Variants in PARD3B observed in about 807,000 individuals in gnomAD.
PARD3B encodes par-3 family cell polarity regulator beta.
PARD3B carries 103 observed loss-of-function variants against 130.2 expected under a neutral mutation model. The ratio of observed to expected loss-of-function variants is 0.79; its 90% CI spans 0.67 to 0.93. PARD3B has a LOEUF of 0.93. Ranked by LOEUF, PARD3B falls within the 40% of genes least tolerant of loss-of-function variation. PARD3B has a pLI of 0.00. For synonymous variants in PARD3B, 583 were observed against 553.2 expected (o/e 1.05, Z -0.76); for missense variants, 1,609 against 1,499.2 (o/e 1.07, Z -1.21).
intron 21 of PARD3B, among the ~76,000 whole-genome samples, chr2:205,539,432 C>T (rs989204195): frequency 1.3e-5 from 2 of 152,104 alleles, no homozygotes; most frequent in African/African-American, 4.8e-5. Flanking sequence ...GTTTGAAAAT[C>T]GGTTTAACCT....
intron 19 of PARD3B, among the ~76,000 whole-genome samples, chr2:205,432,666 AAATT>A (rs1371683496): frequency 5.9e-5 from 9 of 152,128 alleles, no homozygotes; most frequent in Non-Finnish European, 8.8e-5. Context: ...CCTTTAAATA[AAATT>A]AATTTATTTA....
chr2:204,717,017 G>A (rs963066397), intron 2 of PARD3B, among the ~76,000 whole-genome samples: 1 of 152,086 alleles, frequency 6.6e-6, no homozygotes, highest in Non-Finnish European at 1.5e-5. Flanking sequence ...AGTTTGGAGT[G>A]GGGTACTTGG....
chr2:205,541,350 T>G (rs1297285609), intron 21 of PARD3B, among the ~76,000 whole-genome samples: 2 of 45,464 alleles, frequency 4.4e-5, no homozygotes, highest in Non-Finnish European at 1.7e-4. Flanking sequence ...AAACTTTGTT[T>G]TTTTTTTTTT....
intron 10 of PARD3B, among the ~76,000 whole-genome samples, chr2:205,138,428 A>T (rs1055093726): frequency 1.3e-5 from 2 of 152,154 alleles, no homozygotes; most frequent in African/African-American, 4.8e-5. Context: ...CCCACCTCAC[A>T]TAGAGAATTA....
intron 2 of PARD3B, among the ~76,000 whole-genome samples, chr2:204,797,450 A>G (rs1022039198): frequency 2.6e-5 from 4 of 152,164 alleles, no homozygotes; most frequent in Non-Finnish European, 5.9e-5. Context: ...TATCATGAGG[A>G]GCTAAACATG....
rs1454619704 is a variant in PARD3B, at chr2:204,799,611, TG to T, written c.222+113331del. Among the ~76,000 whole-genome samples the T allele has an allele frequency of 1.3e-5, 2 of 152,120 alleles. No individual in the cohort carries two copies. Among genetic ancestry groups the T allele is most frequent in the East Asian group, 1.9e-4 (1 of 5,160 alleles). ...GTGTGACACAATGCAGACTCAGTGG[TG>T]GTGGCCACAGGTGTGCTCATGTTAT... On this transcript the variant is annotated intron_variant, in intron 2 of 22. Transcript: ENST00000406610. This position sits in a 1 kb window ranked among gnomAD's most constrained non-coding sequence, Gnocchi z 4.1.
rs537354465 is a variant in PARD3B, at chr2:204,938,380, G to T, written c.223-26772G>T. 2.6e-5 allele frequency among the ~76,000 whole-genome samples: 4 copies of T among 152,274 alleles called. No homozygotes were observed. The South Asian group carries it at 8.3e-4, about 32-fold the overall frequency. Reference sequence around the variant, plus strand: ...TGTAAGCCCTAAAGCCTCAGCACATGCTGTTCCCTCTGCGTGGAATTCCAC... The same window carrying T: ...TGTAAGCCCTAAAGCCTCAGCACATTCTGTTCCCTCTGCGTGGAATTCCAC... On this transcript the variant is annotated intron_variant, in intron 2 of 22. Coordinates refer to ENST00000406610, the MANE Select transcript of PARD3B (RefSeq NM_001302769.2).
rs147721203 is a variant in PARD3B, at chr2:205,287,587, A to C, written c.2186-12943A>C. Among the ~76,000 whole-genome samples, 1 of 152,284 alleles carries C rather than the reference A, an allele frequency of 6.6e-6. No individual in the cohort carries two copies. Among genetic ancestry groups the C allele is most frequent in the African/African-American group, 2.4e-5 (1 of 41,566 alleles). The stretch of plus-strand genomic sequence containing the variant: ...GGGGGAAGAAATGCACTGATTAGTC[A>C]TGTCTGGGTCGTAGGCACACTGAAT... On this transcript the variant is annotated intron_variant, in intron 16 of 22. Coordinates refer to ENST00000406610, the MANE Select transcript of PARD3B (RefSeq NM_001302769.2). This position sits in a 1 kb window ranked among gnomAD's most constrained non-coding sequence, Gnocchi z 4.8.
At chr2:205,101,785 T>C (rs1702806455) in intron 4 of PARD3B, among the ~76,000 whole-genome samples, 1 of 152,198 alleles carries the variant, frequency 6.6e-6, no homozygotes, top group African/African-American at 2.4e-5. Flanking sequence ...ACAAGTCTTA[T>C]GATTCTGTTT....
intron 2 of PARD3B, among the ~76,000 whole-genome samples, chr2:204,722,714 T>C (rs1574815241): frequency 6.6e-6 from 1 of 152,182 alleles, no homozygotes; most frequent in East Asian, 1.9e-4. Context: ...ACCAAGACTT[T>C]CGTGAGTACT....
intron 20 of PARD3B, among the ~76,000 whole-genome samples, chr2:205,498,616 C>A (rs1268869753): frequency 6.6e-6 from 1 of 152,134 alleles, no homozygotes; most frequent in Non-Finnish European, 1.5e-5. Context: ...TAAGGCAGGA[C>A]AAAAGAAGTT....
intron 22 of PARD3B, among the ~76,000 whole-genome samples, chr2:205,580,502 G>A (rs982308624): frequency 2.0e-5 from 3 of 152,144 alleles, no homozygotes; most frequent in African/African-American, 7.2e-5. Context: ...CATGACCGGA[G>A]GGTGGGCTGA....
intron 3 of PARD3B, among the ~76,000 whole-genome samples, chr2:205,030,309 G>A (rs1697327103): frequency 1.3e-5 from 2 of 152,102 alleles, no homozygotes; most frequent in South Asian, 2.1e-4. Flanking sequence ...ATGACCAAGC[G>A]ACAACCAATT....
chr2:205,310,990 G>A (rs2042368600), intron 18 of PARD3B, among the ~76,000 whole-genome samples: 1 of 152,064 alleles, frequency 6.6e-6, no homozygotes, highest in Admixed American at 6.5e-5. Flanking sequence ...CCAAAGTGCT[G>A]GGATTACAAG....
intron 2 of PARD3B, among the ~76,000 whole-genome samples, chr2:204,807,873 A>G (rs954172825): frequency 6.6e-6 from 1 of 152,012 alleles, no homozygotes; most frequent in African/African-American, 2.4e-5. Flanking sequence ...TGGGGATAGA[A>G]TGAGTAAGAT....
At chr2:204,845,375 A>G (rs2044418927) in intron 2 of PARD3B, among the ~76,000 whole-genome samples, 1 of 152,144 alleles carries the variant, frequency 6.6e-6, no homozygotes, top group Non-Finnish European at 1.5e-5. Context: ...ATAATTTGTT[A>G]TTTTTAATAA....
intron 2 of PARD3B, among the ~76,000 whole-genome samples, chr2:204,855,224 A>G (rs1484074093): frequency 1.3e-5 from 2 of 152,116 alleles, no homozygotes; most frequent in Non-Finnish European, 2.9e-5. Context: ...TAAAAAATGT[A>G]TTTTACATGA....
intron 1 of PARD3B, among the ~76,000 whole-genome samples, chr2:204,596,876 C>T (rs1433067907): frequency 6.6e-6 from 1 of 151,924 alleles, no homozygotes; most frequent in Non-Finnish European, 1.5e-5. Flanking sequence ...TGAGATGGCA[C>T]CATTGCACTC....
At chr2:205,210,956 G>A (rs2037598806) in intron 15 of PARD3B, among the ~76,000 whole-genome samples, 2 of 152,128 alleles carry the variant, frequency 1.3e-5, no homozygotes, top group Non-Finnish European at 2.9e-5. Context: ...GGGGAAAATA[G>A]ATACTTTGCT....
Sources: gnomAD v4.1 joint callset for allele counts (sites outside exome capture counted in the v4.1 genomes callset) on GRCh38, gnomAD v4.1.1 for gene constraint, Gnocchi (gnomAD v3.1) non-coding constraint, MANE v1.5 for transcripts, NCBI Gene and HGNC (gene_info 2026-07-23, HGNC 2026-07-21) for gene names.